Variants in WASHC2A observed in about 807,000 individuals in gnomAD.
WASHC2A encodes WASH complex subunit 2A, also known as WASH complex subunit FAM21A.
In WASHC2A, 82 loss-of-function variants were observed where a neutral mutation model predicts 140.3. The ratio of observed to expected loss-of-function variants is 0.58; its 90% CI spans 0.49 to 0.70. The LOEUF (loss-of-function observed/expected upper bound fraction) is 0.70. Ranked by LOEUF, WASHC2A falls within the 30% of genes least tolerant of loss-of-function variation. The pLI is 0.00. For missense variants in WASHC2A, 985 were observed against 1,521.8 expected (o/e 0.65, Z 5.87); for synonymous variants, 340 against 560.8 (o/e 0.61, Z 5.56).
Position 50,097,680 on chromosome 10 carries a change from G to A in WASHC2A, c.1426G>A (p.Val476Ile), listed in dbSNP as rs1840618187. 1.0e-5 allele frequency: 16 copies of A among 1,593,888 alleles called. No individual in the cohort carries two copies. The highest frequency in any genetic ancestry group is 1.3e-5 in the Non-Finnish European group (15 of 1,169,736). ...TGCCTTGGTATTTTTTACAGGCAAA[G>A]TCCAATCCACTGCCGATATCTTTGG... ...PHSKPSKTGK[V>I]QSTADIFGDE... Residue 476 changes from valine to isoleucine, a missense_variant, in exon 16 of 31, where the codon GTC becomes ATC. Coordinates refer to ENST00000282633, the MANE Select transcript of WASHC2A (RefSeq NM_001005751.3).
At chr10:50,092,656 C>CA (rs1358143518) in intron 11 of WASHC2A, among the ~76,000 whole-genome samples, 3 of 151,464 alleles carry the variant, frequency 2.0e-5, no homozygotes, top group African/African-American at 7.3e-5. Flanking sequence ...GACTCCATCC[C>CA]AAAAACAAAC....
Position 50,125,357 on chromosome 10 carries a change from T to C in WASHC2A, c.2608-12T>C. 6.2e-7 allele frequency: 1 copy of C among 1,602,940 alleles called. No homozygotes were observed. Among genetic ancestry groups the C allele is most frequent in the Non-Finnish European group, 8.5e-7 (1 of 1,174,010 alleles). ...GCTTTTGGATATTGAACTTGGGTCTTGTTTATTCTAGCTGTTAGAGCCAAG... is the reference window on the plus strand; with the variant it reads ...GCTTTTGGATATTGAACTTGGGTCTCGTTTATTCTAGCTGTTAGAGCCAAG... On this transcript the variant is annotated splice_polypyrimidine_tract_variant and intron_variant, in intron 24 of 30. Coordinates refer to ENST00000282633, the MANE Select transcript of WASHC2A (RefSeq NM_001005751.3).
At chr10:50,126,947 T>A (rs1843486766) in intron 26 of WASHC2A, among the ~76,000 whole-genome samples, 1 of 152,134 alleles carries the variant, frequency 6.6e-6, no homozygotes, top group South Asian at 2.1e-4. Context: ...CCATATCTGA[T>A]CTGGCAGCTT....
chr10:50,095,616 G>T lies in WASHC2A; in HGVS notation c.1258G>T (p.Gly420Cys), dbSNP rs1167184308. Reference protein sequence around the residue: ...SVFLGDTDVFGAASVPSMKEP... With the variant: ...SVFLGDTDVFCAASVPSMKEP... The stretch of plus-strand genomic sequence containing the variant: ...ACCCACAGGAGACACGGATGTGTTT[G>T]GTGCTGCCTCCGTTCCATCAATGAA... The change falls in exon 15 of 31, where the codon GGT (glycine) becomes TGT (cysteine). Residue 420 changes from glycine (G) to cysteine (C), a missense_variant. Transcript: ENST00000282633. The T allele has an allele frequency of 9.3e-6, 15 of 1,611,798 alleles. No individual in the cohort carries two copies. Among genetic ancestry groups the T allele is most frequent in the Non-Finnish European group, 1.3e-5 (15 of 1,179,868 alleles).
At position 50,133,131 on chromosome 10, in the gene WASHC2A, T is replaced by C. The variant is rs1844130190; in HGVS notation, c.*186T>C. 1.2e-5 allele frequency: 11 copies of C among 920,464 alleles called. No homozygotes were observed. Among genetic ancestry groups the C allele is most frequent in the Non-Finnish European group, 1.8e-5 (11 of 614,054 alleles). 57.0% of individuals were successfully genotyped at this position (920,464 alleles called of 1,614,324 possible). ...CATGCTTAATACTACAAAACAAAAA[T>C]AAATATTTCACAGTGGTTGGTTTGT... On this transcript the variant is annotated 3_prime_UTR_variant, in exon 31 of 31. Coordinates refer to ENST00000282633, the MANE Select transcript of WASHC2A (RefSeq NM_001005751.3).
chr10:50,069,883 C>T (rs1554875658), intron 3 of WASHC2A, among the ~76,000 whole-genome samples, 172 bp downstream of exon 3: 2 of 151,976 alleles, frequency 1.3e-5, no homozygotes, highest in African/African-American at 4.8e-5. Flanking sequence ...GTTTTAAGTC[C>T]TTTTTTCCAA....
At position 50,087,279 on chromosome 10, in the gene WASHC2A, C is replaced by T; in HGVS notation, c.689C>T (p.Ser230Leu). 6.2e-7 allele frequency: 1 copy of T among 1,613,916 alleles called. No individual in the cohort carries two copies. Among genetic ancestry groups the T allele is most frequent in the Non-Finnish European group, 8.5e-7 (1 of 1,179,840 alleles). Residue 230 changes from serine to leucine, a missense_variant, in exon 8 of 31, where the codon TCA becomes TTA. Physicochemically the swap from Ser to Leu is moderately radical, Grantham distance 145. Coordinates refer to ENST00000282633, the MANE Select transcript of WASHC2A (RefSeq NM_001005751.3). Reference sequence around the variant, plus strand: ...AGCCTTTTCTTCCCCACAAAGGAGTCAGATGAAGATTTTGCCCATCATAGT... The same window carrying T: ...AGCCTTTTCTTCCCCACAAAGGAGTTAGATGAAGATTTTGCCCATCATAGT... ...DTEEEKEEEE[S>L]DEDFAHHSDN...
intron 5 of WASHC2A, 41 bp from the exon 6 acceptor site, chr10:50,084,031 A>T (rs1321878887): frequency 1.4e-5 from 22 of 1,608,784 alleles, no homozygotes; most frequent in Middle Eastern, 4.5e-4. Flanking sequence ...GTTTGTTTTC[A>T]ACTGAAATGT....
At chr10:50,073,066 C>T (rs1335649499) in intron 3 of WASHC2A, among the ~76,000 whole-genome samples, 5 of 152,240 alleles carry the variant, frequency 3.3e-5, no homozygotes, top group African/African-American at 1.2e-4. Context: ...CAAGAGGGGA[C>T]TTGGAGGGAG....
At chr10:50,112,247 C>T in intron 20 of WASHC2A, 3 of 954,094 alleles carry the variant, frequency 3.1e-6, no homozygotes, top group African/African-American at 1.9e-5. Context: ...GTCCTGGTTC[C>T]AGCCACACAC....
At position 50,127,609 on chromosome 10, in the gene WASHC2A, C is replaced by G. The variant is rs1449299914; in HGVS notation, c.2901C>G (p.Ala967=). 5.3e-5 allele frequency: 86 copies of G among 1,609,670 alleles called. No individual in the cohort carries two copies. The highest frequency in any genetic ancestry group is 6.9e-5 in the Non-Finnish European group (81 of 1,179,068). The part of the protein sequence containing the change: ...IQANLAINPA[A]LLPTAASQIS... ...CAAATTTAGCGATCAACCCAGCGGC[C>G]TTGCTGCCCACAGCGGCTTCCCAGA... is the stretch of plus-strand genomic sequence containing the variant. Residue 967 remains alanine, a synonymous_variant, in exon 28 of 31, where the codon GCC becomes GCG. Coordinates refer to ENST00000282633, the MANE Select transcript of WASHC2A (RefSeq NM_001005751.3).
intron 4 of WASHC2A, among the ~76,000 whole-genome samples, chr10:50,080,084 C>T (rs1254721579): frequency 1.3e-5 from 2 of 151,996 alleles, no homozygotes; most frequent in African/African-American, 4.8e-5. Flanking sequence ...GTATTTCTCA[C>T]AATGGCACAC....
At position 50,129,994 on chromosome 10, in the gene WASHC2A, C is replaced by G; in HGVS notation, c.3663C>G (p.Ser1221=). The G allele has an allele frequency of 6.2e-7, 1 of 1,611,848 alleles. No homozygotes were observed. The highest frequency in any genetic ancestry group is 1.1e-5 in the South Asian group (1 of 90,974). ...DQKVKKNETK[S]NSQQDVILTT... is the part of the protein sequence containing the mutation. ...AAGTCAAGAAGAATGAGACAAAATC[C>G]AATAGTCAGCAGGATGTCATATTAA... is the stretch of plus-strand genomic sequence containing the variant. The change falls in exon 29 of 31, where the codon TCC becomes TCG. Residue 1221 remains serine (S), a synonymous_variant. Coordinates refer to ENST00000282633, the MANE Select transcript of WASHC2A (RefSeq NM_001005751.3).
intron 18 of WASHC2A, among the ~76,000 whole-genome samples, chr10:50,104,872 A>AC (rs1841597513): frequency 6.7e-6 from 1 of 150,170 alleles, no homozygotes; most frequent in Admixed American, 6.7e-5. Context: ...GGTGATTAAC[A>AC]TATAAATAGT....
At position 50,132,780 on chromosome 10, in the gene WASHC2A, A is replaced by G. The variant is rs374053930; in HGVS notation, c.3887-26A>G. ...TACCTTTCTCCACCCCTCTTCAGCA[A>G]CCGTTCTTCTTTTTTCTTTCTAAAG... On this transcript the variant is annotated intron_variant, in intron 30 of 30. Transcript: ENST00000282633. 1.9e-5 allele frequency: 30 copies of G among 1,611,920 alleles called. No individual in the cohort carries two copies. The African/African-American group carries it at 3.2e-4, about 17-fold the overall frequency.
rs1484338737 is a variant in WASHC2A, at chr10:50,109,575, G to A, written c.1870-526G>A. 3.3e-5 allele frequency among the ~76,000 whole-genome samples: 5 copies of A among 152,186 alleles called. No individual in the cohort carries two copies. The East Asian group carries it at 9.7e-4, about 29-fold the overall frequency. ...GGGAAGAGACATCGTGGCAGGTGTTGGAGGAGGAAATCATGAGAAGCTCTG... is the reference window on the plus strand; with the variant it reads ...GGGAAGAGACATCGTGGCAGGTGTTAGAGGAGGAAATCATGAGAAGCTCTG... On this transcript the variant is annotated intron_variant, in intron 19 of 30. Coordinates refer to ENST00000282633, the MANE Select transcript of WASHC2A (RefSeq NM_001005751.3).
chr10:50,124,093 T>TTTTTGTTTTG (rs200416768), intron 23 of WASHC2A, among the ~76,000 whole-genome samples: 64 of 151,192 alleles, frequency 4.2e-4, no homozygotes, highest in East Asian at 3.2e-3. Context: ...TTTTTTGGTT[T>TTTTTGTTTTG]TTTTGTTTTG....
At chr10:50,078,597 A>C (rs1352033314) in intron 3 of WASHC2A, 78 bp from the exon 4 acceptor site, 13 of 1,611,174 alleles carry the variant, frequency 8.1e-6, no homozygotes, top group Non-Finnish European at 1.7e-6. Context: ...GTCCTTAGTT[A>C]CTGTGTGAAT....
chr10:50,076,221 G>C (rs112137267), intron 3 of WASHC2A, among the ~76,000 whole-genome samples: 2 of 151,164 alleles, frequency 1.3e-5, no homozygotes, highest in Admixed American at 1.3e-4. Context: ...GATTACAGGC[G>C]TGAGCCTCCT....
Sources: allele counts gnomAD v4.1 joint callset (sites outside exome capture counted in the v4.1 genomes callset), GRCh38; gene constraint gnomAD v4.1.1; transcripts MANE v1.5; gene names NCBI Gene and HGNC (gene_info 2026-07-23, HGNC 2026-07-21).